F8: variants seen among roughly 807,000 people sequenced by gnomAD.
The protein encoded by F8 is coagulation factor VIII.
Under a neutral mutation model 140.6 loss-of-function variants are expected in F8, and 12 were observed. The ratio of observed to expected loss-of-function variants is 0.09; its 90% CI spans 0.05 to 0.14. The LOEUF is 0.14. Among genes scored for constraint, F8 ranks in the 10% least tolerant of loss-of-function variants. The pLI is 1.00. For missense variants in F8, 1,354 were observed against 1,720.7 expected (o/e 0.79, Z 3.77); for synonymous variants, 585 against 614.6 (o/e 0.95, Z 0.71).
At chrX:154,872,068 G>A (rs1455835388) in intron 22 of F8, among the ~76,000 whole-genome samples, 1 of 111,832 alleles carries the variant, frequency 8.9e-6, no homozygotes, top group Non-Finnish European at 1.9e-5. Flanking sequence ...GAGAGGTTGT[G>A]GAAAAATAGG....
intron 13 of F8, among the ~76,000 whole-genome samples, chrX:154,939,702 C>T (rs782498472): frequency 1.2e-4 from 13 of 112,058 alleles, no homozygotes; most frequent in South Asian, 7.3e-4. Flanking sequence ...GATCTGAGAA[C>T]GGGCAGACTG....
chrX:154,864,708 A>T, intron 22 of F8, among the ~76,000 whole-genome samples: 1 of 112,321 alleles, frequency 8.9e-6, no homozygotes, highest in Non-Finnish European at 1.9e-5. Context: ...GAACTAAAAA[A>T]TTTAATAGCG....
At chrX:154,999,375 C>T in intron 2 of F8, 104 bp downstream of exon 2, 2 of 904,920 alleles carry the variant, frequency 2.2e-6, no homozygotes, top group East Asian at 7.0e-5. Flanking sequence ...GAAACATTCT[C>T]TTTGGCAGCT....
At chrX:154,856,422 G>C (rs1290970399) in intron 25 of F8, among the ~76,000 whole-genome samples, 2 of 112,400 alleles carry the variant, frequency 1.8e-5, no homozygotes, top group African/African-American at 6.5e-5. Context: ...AGGTAAGTGT[G>C]GTTACCATAA....
chrX:154,964,359 C>G (rs1345812916), intron 9 of F8, among the ~76,000 whole-genome samples: 3 of 111,234 alleles, frequency 2.7e-5, no homozygotes, highest in African/African-American at 9.8e-5. Flanking sequence ...ATTATACAAT[C>G]TTCAAAAAAT....
chrX:154,976,927 TTG>T (rs782533560), intron 6 of F8, among the ~76,000 whole-genome samples: 6 of 111,822 alleles, frequency 5.4e-5, no homozygotes, highest in Admixed American at 1.9e-4. Context: ...ATATTTTTAC[TTG>T]TTTTCTAGTT....
intron 14 of F8, among the ~76,000 whole-genome samples, chrX:154,914,341 C>G (rs1301249066): frequency 8.9e-6 from 1 of 112,902 alleles, no homozygotes; most frequent in Non-Finnish European, 1.9e-5. Flanking sequence ...TCCCCATTAT[C>G]TTGGTGATTA....
chrX:154,990,420 A>G (rs1259530897), intron 4 of F8, among the ~76,000 whole-genome samples: 1 of 111,817 alleles, frequency 8.9e-6, no homozygotes, highest in Non-Finnish European at 1.9e-5. Flanking sequence ...TAGAGTCAAC[A>G]TTTTACCATT....
At chrX:154,839,802 C>G (rs1466362828) in intron 25 of F8, among the ~76,000 whole-genome samples, 1 of 111,840 alleles carries the variant, frequency 8.9e-6, no homozygotes, top group African/African-American at 3.3e-5. Context: ...GTCAGTTCCA[C>G]AAGGGCAAAG....
chrX:154,976,573 C>A (rs1487070697), intron 6 of F8, among the ~76,000 whole-genome samples: 1 of 108,414 alleles, frequency 9.2e-6, no homozygotes, highest in Non-Finnish European at 1.9e-5. Flanking sequence ...ATCCCTCCCC[C>A]TTCCCCCCAC....
At chrX:154,943,454 C>A (rs922611232) in intron 13 of F8, among the ~76,000 whole-genome samples, 6 of 111,685 alleles carry the variant, frequency 5.4e-5, no homozygotes, top group Non-Finnish European at 1.1e-4. Flanking sequence ...AGGAATACAA[C>A]TTACAACGGA....
At chrX:154,941,584 A>G (rs1292909438) in intron 13 of F8, among the ~76,000 whole-genome samples, 1 of 111,372 alleles carries the variant, frequency 9.0e-6, no homozygotes, top group Non-Finnish European at 1.9e-5. Flanking sequence ...TTAACACCCC[A>G]CTGTCAACAT....
intron 25 of F8, among the ~76,000 whole-genome samples, chrX:154,855,260 G>A (rs149697081): frequency 0.099 from 11,086 of 111,505 alleles, 551 homozygotes; most frequent in South Asian, 0.35. Context: ...TTAGTCGGTT[G>A]CTCCTAATGT....
At chrX:154,892,632 TTACTG>T (rs2072951541) in intron 22 of F8, among the ~76,000 whole-genome samples, 1 of 112,344 alleles carries the variant, frequency 8.9e-6, no homozygotes, top group Non-Finnish European at 1.9e-5. Context: ...CTAGCACCAA[TTACTG>T]TATGAAACAA....
Position 155,022,480 on chromosome X carries a change from A to G in F8, c.73T>C (p.Tyr25His). 8.3e-7 allele frequency: 1 copy of G among 1,211,086 alleles called. No individual in the cohort carries two copies. The highest frequency in any genetic ancestry group is 1.1e-6 in the Non-Finnish European group (1 of 895,130). ...CATGACAGTTCCACTGCACCCAGGT[A>G]GTATCTTCTGGTGGCACTAAAGCAG... ...RFCFSATRRY[Y>H]LGAVELSWDY... is the part of the protein sequence containing the mutation. Residue 25 changes from tyrosine (Y) to histidine (H), a missense_variant, in exon 1 of 26, where the codon TAC becomes CAC. Coordinates refer to ENST00000360256, the MANE Select transcript of F8 (RefSeq NM_000132.4).
intron 14 of F8, among the ~76,000 whole-genome samples, chrX:154,925,193 A>T (rs1557277965): frequency 8.9e-6 from 1 of 112,377 alleles, no homozygotes; most frequent in Non-Finnish European, 1.9e-5. Context: ...TATGAAACTG[A>T]ATGCCCTTAA....
chrX:154,908,139 T>C (rs1557276472), intron 14 of F8, among the ~76,000 whole-genome samples: 1 of 112,157 alleles, frequency 8.9e-6, no homozygotes. Context: ...GATTTTTGTG[T>C]ATGGTGTGAG....
In F8 at chrX:154,837,495, C is replaced by T. The variant is rs781966813; in HGVS notation, c.*102G>A. Reference sequence around the variant, plus strand: ...TCAGGAGGCTTCAAGGCAGTGTCTGCTAGGATTTAGCACAAAGGTAGAAGG... The same window carrying T: ...TCAGGAGGCTTCAAGGCAGTGTCTGTTAGGATTTAGCACAAAGGTAGAAGG... On this transcript the variant is annotated 3_prime_UTR_variant, in exon 26 of 26. Coordinates refer to ENST00000360256, the MANE Select transcript of F8 (RefSeq NM_000132.4). 5 of 975,156 alleles carry T rather than the reference C, an allele frequency of 5.1e-6. No individual in the cohort carries two copies. Among genetic ancestry groups the T allele is most frequent in the Non-Finnish European group, 7.1e-6 (5 of 703,584 alleles). 80.4% of individuals were successfully genotyped at this position (975,156 alleles called of 1,213,427 possible). A position where few individuals can be genotyped will look rare whatever the true frequency, so the allele number is the denominator to read the frequency against.
intron 7 of F8, among the ~76,000 whole-genome samples, chrX:154,967,949 C>T (rs1232043835): frequency 3.6e-5 from 4 of 111,608 alleles, no homozygotes; most frequent in Non-Finnish European, 7.5e-5. Context: ...ATGGTGGATG[C>T]ATGGCAAGAT....
Sources: allele counts gnomAD v4.1 joint callset (sites outside exome capture counted in the v4.1 genomes callset), GRCh38; gene constraint gnomAD v4.1.1; transcripts MANE v1.5; gene names NCBI Gene and HGNC (gene_info 2026-07-23, HGNC 2026-07-21).